CHRNA9: variants seen among roughly 807,000 people sequenced by gnomAD.
CHRNA9 encodes the protein cholinergic receptor nicotinic alpha 9 subunit, also known as neuronal acetylcholine receptor subunit alpha-9.
A neutral mutation model predicts 36.8 loss-of-function variants in CHRNA9; 24 were observed. The observed-to-expected ratio is 0.65, with a 90% CI of 0.47 to 0.92. The LOEUF is 0.92. CHRNA9 is among the 40% of genes least tolerant of loss of function. CHRNA9 has a pLI of 0.00. For missense variants in CHRNA9, 610 were observed against 601.2 expected (o/e 1.01, Z -0.15); for synonymous variants, 231 against 231.8 (o/e 1.00, Z 0.03).
At chr4:40,338,815 C>T (rs559660152) in intron 3 of CHRNA9, among the ~76,000 whole-genome samples, 1 of 152,072 alleles carries the variant, frequency 6.6e-6, no homozygotes, top group East Asian at 1.9e-4. Flanking sequence ...CCAGTTTACC[C>T]TCCCTCCCCG....
Position 40,342,905 on chromosome 4 carries a change from A to G in CHRNA9, c.365+5541A>G, listed in dbSNP as rs143195925. Reference sequence around the variant, plus strand: ...ATGGGAGGAGAGGACTCACACGACCAGAAGGGAAGTTAGCCAGGAAGAGAG... The same window carrying G: ...ATGGGAGGAGAGGACTCACACGACCGGAAGGGAAGTTAGCCAGGAAGAGAG... On this transcript the variant is annotated intron_variant, in intron 3 of 4. Transcript: ENST00000310169. 1.1e-4 allele frequency among the ~76,000 whole-genome samples: 16 copies of G among 152,258 alleles called. No individual in the cohort carries two copies. In the East Asian group the frequency reaches 3.1e-3, roughly 29 times the overall value.
Position 40,346,394 on chromosome 4 carries a change from T to C in CHRNA9, c.366-2488T>C, listed in dbSNP as rs576234491. On this transcript the variant is annotated intron_variant, in intron 3 of 4. Coordinates refer to ENST00000310169, the MANE Select transcript of CHRNA9 (RefSeq NM_017581.4). ...CATATCTTTATGAACAGTCCCTTTC[T>C]TAAACTCTCCTCAGGTTATCTAATT... is the stretch of plus-strand genomic sequence containing the variant. 2.0e-5 allele frequency among the ~76,000 whole-genome samples: 3 copies of C among 152,340 alleles called. No homozygotes were observed. The South Asian group carries it at 6.2e-4, about 32-fold the overall frequency.
intron 2 of CHRNA9, among the ~76,000 whole-genome samples, chr4:40,336,884 T>C (rs916133994): frequency 2.0e-5 from 3 of 152,260 alleles, no homozygotes; most frequent in Non-Finnish European, 4.4e-5. Flanking sequence ...ATTTTCCTTC[T>C]GCACATTGTT....
At chr4:40,340,223 C>T (rs951969916) in intron 3 of CHRNA9, among the ~76,000 whole-genome samples, 1 of 152,174 alleles carries the variant, frequency 6.6e-6, no homozygotes, top group Non-Finnish European at 1.5e-5. Flanking sequence ...CTCTCCACCC[C>T]TTTACACAGA....
Position 40,335,473 on chromosome 4 carries a change from C to A in CHRNA9, c.6C>A (p.Asn2Lys). 1 of 1,612,730 alleles carries A rather than the reference C, an allele frequency of 6.2e-7. No individual in the cohort carries two copies. Among genetic ancestry groups the A allele is most frequent in the Non-Finnish European group, 8.5e-7 (1 of 1,178,676 alleles). Residue 2 changes from asparagine to lysine, a missense_variant, in exon 1 of 5, where the codon AAC (asparagine) becomes AAA (lysine). By Grantham distance (94) the Asn-to-Lys change is moderately conservative. Coordinates refer to ENST00000310169, the MANE Select transcript of CHRNA9 (RefSeq NM_017581.4). ...TATAGAGGCTCAGGAAAAAGATGAA[C>A]TGGTCCCATTCCTGCATCTCCTTTT... Reference protein sequence around the residue: MNWSHSCISFCW... With the variant: MKWSHSCISFCW...
intron 1 of CHRNA9, 62 bp downstream of exon 1, chr4:40,335,593 G>A (rs1712293257): frequency 1.5e-6 from 2 of 1,334,088 alleles, no homozygotes. Flanking sequence ...TTGGTGGGAG[G>A]TGGGGCAGGA....
intron 3 of CHRNA9, among the ~76,000 whole-genome samples, chr4:40,342,365 C>T (rs1178225675): frequency 6.6e-6 from 1 of 152,094 alleles, no homozygotes; most frequent in African/African-American, 2.4e-5. Flanking sequence ...CCTGGAGAAA[C>T]AGATAGGGCT....
chr4:40,339,378 T>C (rs1309538951), intron 3 of CHRNA9, among the ~76,000 whole-genome samples: 1 of 150,952 alleles, frequency 6.6e-6, no homozygotes, highest in South Asian at 2.1e-4. Context: ...TCTTTTTTTT[T>C]TAATTTTAAG....
chr4:40,352,030 G>C (rs1239386638), intron 4 of CHRNA9, among the ~76,000 whole-genome samples: 2 of 152,302 alleles, frequency 1.3e-5, no homozygotes, highest in Non-Finnish European at 2.9e-5. Flanking sequence ...AGTTGCATAA[G>C]ATGGGAACTA....
chr4:40,336,729 C>T (rs1022200333), intron 2 of CHRNA9, among the ~76,000 whole-genome samples: 11 of 152,276 alleles, frequency 7.2e-5, no homozygotes, highest in African/African-American at 2.6e-4. Context: ...ATTCGCCCGC[C>T]TCGGCCTCCC....
At chr4:40,341,608 G>A (rs996154137) in intron 3 of CHRNA9, among the ~76,000 whole-genome samples, 3 of 152,194 alleles carry the variant, frequency 2.0e-5, no homozygotes, top group Admixed American at 1.3e-4. Context: ...AATGGGAAAC[G>A]TCTAGAGGGT....
At chr4:40,345,219 G>A (rs1489140606) in intron 3 of CHRNA9, among the ~76,000 whole-genome samples, 2 of 151,966 alleles carry the variant, frequency 1.3e-5, no homozygotes, top group Non-Finnish European at 2.9e-5. Context: ...AAAAATCTAG[G>A]GAGATAAACA....
At chr4:40,340,973 C>CAAAAAAAAAAA (rs543449903) in intron 3 of CHRNA9, among the ~76,000 whole-genome samples, 7 of 64,972 alleles carry the variant, frequency 1.1e-4, no homozygotes, top group South Asian at 6.7e-4. Context: ...ATAAGCTCTC[C>CAAAAAAAAAAA]AAAAAAAAAA....
At chr4:40,339,003 C>T (rs546795668) in intron 3 of CHRNA9, among the ~76,000 whole-genome samples, 19 of 152,188 alleles carry the variant, frequency 1.2e-4, no homozygotes, top group Non-Finnish European at 2.1e-4. Context: ...ACAGGCAGGG[C>T]GTGAGGACTA....
rs750840881 is a variant in CHRNA9 at position 40,335,510 on chromosome 4, T to C, written c.43T>C (p.Phe15Leu). Residue 15 changes from phenylalanine (F) to leucine (L), a missense_variant, in exon 1 of 5, where the codon TTT becomes CTT. Physicochemically the swap from Phe to Leu is conservative, Grantham distance 22. Coordinates refer to ENST00000310169, the MANE Select transcript of CHRNA9 (RefSeq NM_017581.4). ...HSCISFCWIY[F>L]AASRLRAAET... ...CTGCATCTCCTTTTGCTGGATCTAC[T>C]TTGCTGCTTCCAGACTGAGAGGTGA... 6.2e-7 allele frequency: 1 copy of C among 1,613,332 alleles called. No individual in the cohort carries two copies. Among genetic ancestry groups the C allele is most frequent in the South Asian group, 1.1e-5 (1 of 91,064 alleles).
chr4:40,352,422 A>T (rs1712829199), intron 4 of CHRNA9, among the ~76,000 whole-genome samples: 1 of 152,116 alleles, frequency 6.6e-6, no homozygotes, highest in Non-Finnish European at 1.5e-5. Context: ...ACGGGGTTTC[A>T]CCATGTTGGC....
intron 3 of CHRNA9, among the ~76,000 whole-genome samples, chr4:40,342,948 T>C (rs1712542223): frequency 6.6e-6 from 1 of 151,918 alleles, no homozygotes; most frequent in African/African-American, 2.4e-5. Flanking sequence ...AACTTCTTTT[T>C]GATATGGAAA....
chr4:40,337,312 A>T lies in CHRNA9; in HGVS notation c.313A>T (p.Ile105Phe), dbSNP rs1712353327. ...AGATCAGTACGATGGCCTAGACTCC[A>T]TCAGGATCCCCAGTGACCTCGTGTG... ...DRDQYDGLDS[I>F]RIPSDLVWRP... The change falls in exon 3 of 5, where the codon ATC becomes TTC. Residue 105 changes from isoleucine to phenylalanine, a missense_variant. Physicochemically the swap from Ile to Phe is conservative, Grantham distance 21. Transcript: ENST00000310169. The T allele has an allele frequency of 2.5e-6, 4 of 1,614,112 alleles. No homozygotes were observed. Among genetic ancestry groups the T allele is most frequent in the Non-Finnish European group, 3.4e-6 (4 of 1,180,034 alleles).
At position 40,354,953 on chromosome 4, in the gene CHRNA9, C is replaced by G. The variant is rs992302650; in HGVS notation, c.*433C>G. ...ATATATATTAGTGTGATTTAAGTCT[C>G]AATGGTACCTTATTCAGGCATAGTG... On this transcript the variant is annotated 3_prime_UTR_variant, in exon 5 of 5. Transcript: ENST00000310169. The G allele has an allele frequency of 6.4e-6, 1 of 157,438 alleles. No individual in the cohort carries two copies. Among genetic ancestry groups the G allele is most frequent in the African/African-American group, 2.4e-5 (1 of 41,470 alleles). The allele number at this position is 157,438 out of a possible 1,614,324, so 9.8% of individuals were successfully genotyped here.
Sources: gnomAD v4.1 joint callset for allele counts (sites outside exome capture counted in the v4.1 genomes callset) on GRCh38, gnomAD v4.1.1 for gene constraint, MANE v1.5 for transcripts, NCBI Gene and HGNC (gene_info 2026-07-23, HGNC 2026-07-21) for gene names.